Variants in CADPS2 observed in about 807,000 individuals in gnomAD.
The protein encoded by CADPS2 is calcium dependent secretion activator 2.
In CADPS2, 93 loss-of-function variants were observed where a neutral mutation model predicts 172.5. The observed-to-expected ratio is 0.54, with a 90% CI of 0.46 to 0.64. The LOEUF (loss-of-function observed/expected upper bound fraction) is 0.64. Ranked by LOEUF, CADPS2 falls within the 30% of genes least tolerant of loss-of-function variation. CADPS2 has a pLI of 0.00. For missense variants in CADPS2, 1,420 were observed against 1,565.9 expected (o/e 0.91, Z 1.57); for synonymous variants, 546 against 555.2 (o/e 0.98, Z 0.23).
At chr7:122,578,755 A>G (rs2132766240) in intron 7 of CADPS2, among the ~76,000 whole-genome samples, 1 of 152,286 alleles carries the variant, frequency 6.6e-6, no homozygotes, top group African/African-American at 2.4e-5. Context: ...CTGAGGTATG[A>G]AGGTCAAATC....
intron 7 of CADPS2, among the ~76,000 whole-genome samples, chr7:122,574,717 C>A (rs10229793): frequency 6.6e-6 from 1 of 151,790 alleles, no homozygotes; most frequent in East Asian, 1.9e-4. Flanking sequence ...AACACACATA[C>A]GCAAATGCAT....
chr7:122,437,023 T>C (rs758276388), intron 17 of CADPS2, among the ~76,000 whole-genome samples: 1 of 152,102 alleles, frequency 6.6e-6, no homozygotes, highest in African/African-American at 2.4e-5. Flanking sequence ...ACAACTTTTA[T>C]CTTTGCCAGA....
At position 122,744,300 on chromosome 7, in the gene CADPS2, C is replaced by A. The variant is rs78641167; in HGVS notation, c.340-7232G>T. 6.6e-3 allele frequency among the ~76,000 whole-genome samples: 1,001 copies of A among 152,256 alleles called. 12 individuals carry two copies. Among genetic ancestry groups the A allele is most frequent in the African/African-American group, 0.023 (957 of 41,548 alleles). ...GTGGAGCAGCACTGCAACCCTAGACCACCTACCTCCCAACTTCCTTGACAT... is the reference window on the plus strand; with the variant it reads ...GTGGAGCAGCACTGCAACCCTAGACAACCTACCTCCCAACTTCCTTGACAT... On this transcript the variant is annotated intron_variant, in intron 1 of 29. Coordinates refer to ENST00000449022, the MANE Select transcript of CADPS2 (RefSeq NM_017954.11).
At chr7:122,376,968 T>C (rs1198885112) in intron 25 of CADPS2, among the ~76,000 whole-genome samples, 1 of 152,148 alleles carries the variant, frequency 6.6e-6, no homozygotes, top group African/African-American at 2.4e-5. Flanking sequence ...ATTATTGTCA[T>C]CTCTTATAGA....
chr7:122,817,245 G>C (rs1383337767), intron 1 of CADPS2, among the ~76,000 whole-genome samples: 1 of 152,170 alleles, frequency 6.6e-6, no homozygotes, highest in East Asian at 1.9e-4. Flanking sequence ...CCTGTTCTTT[G>C]CTCCATGAGA....
At chr7:122,639,528 TTGTG>T (rs777714781) in intron 3 of CADPS2, among the ~76,000 whole-genome samples, 1 of 152,144 alleles carries the variant, frequency 6.6e-6, no homozygotes, top group Non-Finnish European at 1.5e-5. Context: ...GTGTGCTCCT[TTGTG>T]TGTGTGTTTA....
chr7:122,715,873 T>C (rs2089524417), intron 2 of CADPS2, among the ~76,000 whole-genome samples: 1 of 152,066 alleles, frequency 6.6e-6, no homozygotes, highest in African/African-American at 2.4e-5. Flanking sequence ...CTCCTCTAGA[T>C]TTTACTAAGA....
chr7:122,403,785 C>T (rs2046263512), intron 20 of CADPS2, among the ~76,000 whole-genome samples: 1 of 151,160 alleles, frequency 6.6e-6, no homozygotes, highest in African/African-American at 2.5e-5. Context: ...TAAGTAATTC[C>T]ATTCATTGTA....
At chr7:122,829,935 G>A (rs1019941025) in intron 1 of CADPS2, among the ~76,000 whole-genome samples, 2 of 151,824 alleles carry the variant, frequency 1.3e-5, no homozygotes, top group Admixed American at 1.3e-4. Context: ...CCAGTAAGAA[G>A]AGCAAGAGAG....
chr7:122,358,499 GT>G (rs1373301852), intron 27 of CADPS2, among the ~76,000 whole-genome samples: 1 of 151,842 alleles, frequency 6.6e-6, no homozygotes, highest in Non-Finnish European at 1.5e-5. Context: ...CATGAATTAT[GT>G]GGGGTTGTAT....
chr7:122,782,558 G>A (rs1308252033), intron 1 of CADPS2, among the ~76,000 whole-genome samples: 1 of 152,056 alleles, frequency 6.6e-6, no homozygotes, highest in African/African-American at 2.4e-5. Context: ...CTGCAGTGAG[G>A]CATGTTCATG....
At chr7:122,714,443 G>A (rs573425139) in intron 2 of CADPS2, among the ~76,000 whole-genome samples, 1 of 151,618 alleles carries the variant, frequency 6.6e-6, no homozygotes, top group African/African-American at 2.4e-5. Context: ...TAAAATCTTT[G>A]GTAAACAACT....
At chr7:122,448,951 G>A in intron 15 of CADPS2, among the ~76,000 whole-genome samples, 1 of 152,094 alleles carries the variant, frequency 6.6e-6, no homozygotes, top group East Asian at 1.9e-4. Flanking sequence ...AAAAAATTAT[G>A]TTATCTTACT....
chr7:122,569,063 T>A (rs917175350), intron 7 of CADPS2, among the ~76,000 whole-genome samples: 1 of 152,076 alleles, frequency 6.6e-6, no homozygotes, highest in Non-Finnish European at 1.5e-5. Context: ...AGAAAGTGTA[T>A]CCAATTAGGA....
intron 1 of CADPS2, among the ~76,000 whole-genome samples, chr7:122,853,472 C>T (rs957991302): frequency 3.9e-5 from 6 of 152,158 alleles, no homozygotes; most frequent in Non-Finnish European, 5.9e-5. Flanking sequence ...TGCTTTAGCC[C>T]AAAGGGTGGT....
intron 3 of CADPS2, among the ~76,000 whole-genome samples, chr7:122,632,525 T>G (rs1249845547): frequency 6.6e-6 from 1 of 152,220 alleles, no homozygotes; most frequent in African/African-American, 2.4e-5. Context: ...TGTCTGATCA[T>G]GTCCTTTGCC....
intron 1 of CADPS2, among the ~76,000 whole-genome samples, chr7:122,800,113 T>C (rs1797290796): frequency 6.6e-6 from 1 of 152,248 alleles, no homozygotes; most frequent in African/African-American, 2.4e-5. Flanking sequence ...TATTTTACTA[T>C]CTACTAGCAA....
intron 25 of CADPS2, among the ~76,000 whole-genome samples, chr7:122,375,193 GCAATC>G (rs142671210): frequency 0.015 from 2,323 of 151,852 alleles, 31 homozygotes; most frequent in Non-Finnish European, 0.023. Context: ...AACAGAAAAA[GCAATC>G]CAATCCTAAA....
At chr7:122,384,282 G>C (rs993685816) in intron 24 of CADPS2, among the ~76,000 whole-genome samples, 1 of 152,096 alleles carries the variant, frequency 6.6e-6, no homozygotes, top group Non-Finnish European at 1.5e-5. Context: ...AAGGAGTTGG[G>C]AAAGTTTTAT....
Sources: allele counts gnomAD v4.1 joint callset (sites outside exome capture counted in the v4.1 genomes callset), GRCh38; gene constraint gnomAD v4.1.1; transcripts MANE v1.5; gene names NCBI Gene and HGNC (gene_info 2026-07-23, HGNC 2026-07-21).